Variants in SLC17A4 observed in about 807,000 individuals in gnomAD.
The protein encoded by SLC17A4 is probable small intestine urate exporter.
SLC17A4 carries 33 observed loss-of-function variants against 52.5 expected under a neutral mutation model. The ratio of observed to expected loss-of-function variants is 0.63; its 90% confidence interval spans 0.48 to 0.84. The LOEUF (loss-of-function observed/expected upper bound fraction) is 0.84, where lower values mean the gene tolerates loss of function less well. Among genes scored for constraint, SLC17A4 ranks in the 40% least tolerant of loss-of-function variants. The pLI, the probability that SLC17A4 is intolerant of heterozygous loss-of-function variation, is 0.00. For synonymous variants in SLC17A4, 225 were observed against 216.2 expected, an observed-to-expected ratio of 1.04 and a Z score of -0.36; for missense variants, 585 against 597.1, an observed-to-expected ratio of 0.98 and a Z score of 0.21.
chr6:25,770,885 C>G (rs369559781), intron 5 of SLC17A4, 41 bp from the exon 6 acceptor site: 2 of 1,490,788 alleles, frequency 1.3e-6, no homozygotes, highest in East Asian at 4.5e-5. Context: ...AGCCCCAAGA[C>G]GAGTCCTCTC....
intron 2 of SLC17A4, among the ~76,000 whole-genome samples, chr6:25,766,574 C>T (rs553482659): frequency 6.6e-6 from 1 of 152,136 alleles, no homozygotes; most frequent in Admixed American, 6.5e-5. Flanking sequence ...TACCTCAAGC[C>T]AGGGCACCAA....
chr6:25,758,056 C>A (rs942263557), intron 1 of SLC17A4, among the ~76,000 whole-genome samples: 1 of 152,224 alleles, frequency 6.6e-6, no homozygotes, highest in Non-Finnish European at 1.5e-5. Context: ...GGACGTATCA[C>A]AGCCTCCAGT....
chr6:25,765,408 C>T (rs1009558465), intron 2 of SLC17A4, among the ~76,000 whole-genome samples: 7 of 152,230 alleles, frequency 4.6e-5, no homozygotes, highest in Non-Finnish European at 1.0e-4. Flanking sequence ...TGAAGTAACA[C>T]ATCTTAATCA....
At position 25,780,631 on chromosome 6, in the gene SLC17A4, T is replaced by G. The variant is rs932787848; in HGVS notation, c.*1443T>G. On this transcript the variant is annotated 3_prime_UTR_variant, in exon 12 of 12. Transcript: ENST00000377905. ...AGCACACAGGATGATGTAGGCCCAG[T>G]GAAGTGCGTTGGTCTTTATTTTGAA... The G allele has an allele frequency of 6.6e-6, 1 of 152,258 alleles. No homozygotes were observed. Among genetic ancestry groups the G allele is most frequent in the African/African-American group, 2.4e-5 (1 of 41,450 alleles). 9.4% of individuals were successfully genotyped at this position (152,258 alleles called of 1,614,324 possible). A position where few individuals can be genotyped will look rare whatever the true frequency, so the allele number is the denominator to read the frequency against.
At chr6:25,767,388 C>T (rs1214151411) in intron 2 of SLC17A4, among the ~76,000 whole-genome samples, 1 of 152,072 alleles carries the variant, frequency 6.6e-6, no homozygotes, top group Non-Finnish European at 1.5e-5. Flanking sequence ...AATAAACTTA[C>T]ATAAACTTAT....
intron 2 of SLC17A4, among the ~76,000 whole-genome samples, chr6:25,767,522 A>AAG (rs1237164674): frequency 6.6e-6 from 1 of 152,178 alleles, no homozygotes; most frequent in Non-Finnish European, 1.5e-5. Context: ...TAGACCACAC[A>AAG]AGCTGGAATT....
intron 8 of SLC17A4, among the ~76,000 whole-genome samples, chr6:25,776,020 A>G (rs1762884220): frequency 6.6e-6 from 1 of 152,170 alleles, no homozygotes. Flanking sequence ...AAATTTCTGC[A>G]TATGAGATTA....
chr6:25,769,132 G>A lies in SLC17A4; in HGVS notation c.239G>A (p.Arg80Gln), dbSNP rs148695938. The A allele has an allele frequency of 3.8e-4, 610 of 1,613,992 alleles. 1 individual carries two copies. In the East Asian group the frequency reaches 0.011, roughly 29 times the overall value. Reference sequence around the variant, plus strand: ...AGCCAGCCCAATGCTTCCACAGAACGGCCCTCCACTGACTCCCAGGGCTAC... The same window carrying A: ...AGCCAGCCCAATGCTTCCACAGAACAGCCCTCCACTGACTCCCAGGGCTAC... Reference protein sequence around the residue: ...PPSQPNASTERPSTDSQGYWN... With the variant: ...PPSQPNASTEQPSTDSQGYWN... Residue 80 changes from arginine to glutamine, a missense_variant, in exon 3 of 12, where the codon CGG becomes CAG. By Grantham distance (43) the Arg-to-Gln change is conservative. Transcript: ENST00000377905.
At chr6:25,768,854 C>A (rs1762239952) in intron 2 of SLC17A4, 131 bp from the exon 3 acceptor site, 2 of 848,536 alleles carry the variant, frequency 2.4e-6, no homozygotes, top group Non-Finnish European at 3.7e-6. Context: ...CACTACACAC[C>A]TACAGAGGAA....
In SLC17A4 at chr6:25,780,281, G is replaced by A. The variant is rs557366522; in HGVS notation, c.*1093G>A. The A allele has an allele frequency of 6.6e-6, 1 of 152,154 alleles. No homozygotes were observed. The highest frequency in any genetic ancestry group is 1.5e-5 in the Non-Finnish European group (1 of 68,002). The allele number at this position is 152,154 out of a possible 1,614,324, so 9.4% of individuals were successfully genotyped here. On this transcript the variant is annotated 3_prime_UTR_variant, in exon 12 of 12. Transcript: ENST00000377905. ...ATTAAGGAGTTCAGTGTCTCGGGAGGGCAGATAACTTTAATCAAAGTATCA... is the reference window on the plus strand; with the variant it reads ...ATTAAGGAGTTCAGTGTCTCGGGAGAGCAGATAACTTTAATCAAAGTATCA...
chr6:25,775,647 C>A (rs1308905126), intron 8 of SLC17A4, among the ~76,000 whole-genome samples: 2 of 151,968 alleles, frequency 1.3e-5, no homozygotes, highest in East Asian at 3.9e-4. Flanking sequence ...AGGCTGGTCT[C>A]GAACTCCTGA....
chr6:25,757,202 G>A (rs1031124788), intron 1 of SLC17A4, among the ~76,000 whole-genome samples: 2 of 152,132 alleles, frequency 1.3e-5, no homozygotes, highest in African/African-American at 4.8e-5. Context: ...ACCAGCTTTA[G>A]TGGTACGTTA....
chr6:25,759,527 C>G (rs1761344261), intron 1 of SLC17A4, among the ~76,000 whole-genome samples: 1 of 152,076 alleles, frequency 6.6e-6, no homozygotes, highest in Non-Finnish European at 1.5e-5. Flanking sequence ...TTCCTGTAGT[C>G]CTTTTGTTGC....
intron 2 of SLC17A4, among the ~76,000 whole-genome samples, chr6:25,766,863 C>T (rs1229204821): frequency 6.6e-6 from 1 of 152,076 alleles, no homozygotes; most frequent in African/African-American, 2.4e-5. Context: ...AAAGAAGAGC[C>T]CAAGGAGACA....
intron 5 of SLC17A4, among the ~76,000 whole-genome samples, chr6:25,770,708 T>C (rs1762412203): frequency 6.6e-6 from 1 of 152,204 alleles, no homozygotes; most frequent in Non-Finnish European, 1.5e-5. Flanking sequence ...ATTTTATAAG[T>C]CAGCTATATA....
Position 25,773,373 on chromosome 6 carries a change from G to T in SLC17A4, c.805G>T (p.Val269Leu), listed in dbSNP as rs762529750. Reference protein sequence around the residue: ...FISAGEKRYIVCSLAQQDCSP... With the variant: ...FISAGEKRYILCSLAQQDCSP... ...CAGTGCTGGTGAGAAGAGATACATTGTGTGTTCATTGGCTCAGCAGGTACA... is the reference window on the plus strand; with the variant it reads ...CAGTGCTGGTGAGAAGAGATACATTTTGTGTTCATTGGCTCAGCAGGTACA... The change falls in exon 7 of 12, where the codon GTG becomes TTG. Residue 269 changes from valine to leucine, a missense_variant. By Grantham distance (32) the Val-to-Leu change is conservative. Transcript: ENST00000377905. The T allele has an allele frequency of 3.1e-6, 5 of 1,613,896 alleles. No homozygotes were observed. Among genetic ancestry groups the T allele is most frequent in the Non-Finnish European group, 4.2e-6 (5 of 1,179,850 alleles).
intron 1 of SLC17A4, among the ~76,000 whole-genome samples, chr6:25,755,736 T>G (rs1028739649): frequency 2.6e-5 from 4 of 152,176 alleles, no homozygotes. Flanking sequence ...GACACAAAAC[T>G]TACCTGTCAA....
chr6:25,774,531 G>T (rs1207784008), intron 8 of SLC17A4, among the ~76,000 whole-genome samples: 3 of 152,176 alleles, frequency 2.0e-5, no homozygotes, highest in Non-Finnish European at 4.4e-5. Context: ...AAAGCCCCAG[G>T]AGGCAGTGGC....
rs140215842 is a variant in SLC17A4, at chr6:25,770,432, C to T, written c.580C>T (p.Pro194Ser). 8.2e-5 allele frequency: 133 copies of T among 1,613,926 alleles called. No individual in the cohort carries two copies. The highest frequency in any genetic ancestry group is 1.0e-4 in the Non-Finnish European group (118 of 1,179,984). The change falls in exon 5 of 12, where the codon CCA (proline) becomes TCA (serine). Residue 194 changes from proline (P) to serine (S), a missense_variant. Physicochemically the swap from Pro to Ser is moderately conservative, Grantham distance 74 (BLOSUM62 -1). Transcript: ENST00000377905. ...QYSIWVKWAP[P>S]LERSQLTTIA... ...TTCAATTTGGGTCAAATGGGCTCCC[C>T]CACTGGAAAGGAGTCAACTCACCAC...
Sources: allele counts gnomAD v4.1 joint callset (sites outside exome capture counted in the v4.1 genomes callset), GRCh38; gene constraint gnomAD v4.1.1; transcripts MANE v1.5; gene names NCBI Gene and HGNC (gene_info 2026-07-23, HGNC 2026-07-21).